Variants in C6orf132 observed in about 807,000 individuals in gnomAD.
C6orf132 encodes uncharacterized protein C6orf132.
In C6orf132, 43 loss-of-function variants were observed where a neutral mutation model predicts 65.3. The ratio of observed to expected loss-of-function variants is 0.66; its 90% confidence interval spans 0.52 to 0.85. C6orf132 has a LOEUF of 0.85. Among genes scored for constraint, C6orf132 ranks in the 40% least tolerant of loss-of-function variants. The pLI is 0.00. For missense variants in C6orf132, 1,488 were observed against 1,548.8 expected (o/e 0.96, Z 0.66); for synonymous variants, 631 against 654.1 (o/e 0.96, Z 0.54).
intron 1 of C6orf132, among the ~76,000 whole-genome samples, chr6:42,135,205 G>A (rs60861123): frequency 6.6e-6 from 1 of 152,158 alleles, no homozygotes; most frequent in Non-Finnish European, 1.5e-5. Flanking sequence ...TTTCTTGTTC[G>A]GGTTCACTCT....
intron 1 of C6orf132, 47 bp downstream of exon 1, chr6:42,142,253 G>T (rs1456213724): frequency 3.3e-6 from 5 of 1,530,728 alleles, no homozygotes; most frequent in Non-Finnish European, 4.4e-6. Flanking sequence ...CCCTGCCCCA[G>T]CGCCCTCCGT....
Position 42,106,363 on chromosome 6 carries a change from T to C in C6orf132, c.1549A>G (p.Ser517Gly). Reference protein sequence around the residue: ...PRLPEKETLLSLPAKDTPPGV... With the variant: ...PRLPEKETLLGLPAKDTPPGV... The stretch of plus-strand genomic sequence containing the variant: ...GGGGGAGTGTCCTTTGCTGGCAGGC[T>C]CAGGAGAGTCTCCTTCTCAGGCAGG... The change falls in exon 4 of 5, where the codon AGC becomes GGC. Residue 517 changes from serine (S) to glycine (G), a missense_variant. Coordinates refer to ENST00000341865, the MANE Select transcript of C6orf132 (RefSeq NM_001164446.3). 6.5e-7 allele frequency: 1 copy of C among 1,536,486 alleles called. No individual in the cohort carries two copies. Among genetic ancestry groups the C allele is most frequent in the Non-Finnish European group, 8.7e-7 (1 of 1,146,848 alleles).
intron 1 of C6orf132, among the ~76,000 whole-genome samples, chr6:42,128,990 G>C (rs1435184249): frequency 1.3e-5 from 2 of 152,222 alleles, no homozygotes; most frequent in Non-Finnish European, 2.9e-5. Flanking sequence ...TGAGGGACTC[G>C]GTGTTCGTGG....
chr6:42,101,158 G>A lies in C6orf132; in HGVS notation c.*2603C>T, dbSNP rs763002783. ...AAAGCTTTATGGAAAACTGTGACAG[G>A]CCATATACAAATGTGAGGTATTCAT... On this transcript the variant is annotated 3_prime_UTR_variant, in exon 5 of 5. Coordinates refer to ENST00000341865, the MANE Select transcript of C6orf132 (RefSeq NM_001164446.3). The A allele has an allele frequency of 6.6e-6, 1 of 151,992 alleles. No individual in the cohort carries two copies. Among genetic ancestry groups the A allele is most frequent in the Non-Finnish European group, 1.5e-5 (1 of 68,000 alleles). 9.4% of individuals were successfully genotyped at this position (151,992 alleles called of 1,614,324 possible).
intron 1 of C6orf132, among the ~76,000 whole-genome samples, chr6:42,134,967 C>T (rs1417555835): frequency 6.6e-6 from 1 of 152,116 alleles, no homozygotes; most frequent in Non-Finnish European, 1.5e-5. Context: ...CGCCACTGCA[C>T]TCCAGCCTGG....
intron 2 of C6orf132, among the ~76,000 whole-genome samples, chr6:42,114,180 G>A (rs1766532488): frequency 6.6e-6 from 1 of 152,154 alleles, no homozygotes; most frequent in South Asian, 2.1e-4. Context: ...TCCATCTCTG[G>A]AGCGGCTTGT....
rs1010355767 is a variant in C6orf132 at position 42,104,412 on chromosome 6, C to T, written c.3449+51G>A. On this transcript the variant is annotated intron_variant, in intron 4 of 4. Coordinates refer to ENST00000341865, the MANE Select transcript of C6orf132 (RefSeq NM_001164446.3). The surrounding 1 kb of genome is among the most constrained non-coding windows in gnomAD (Gnocchi z 4.1). ...ATGGCCGGGACTCCTTGGCCCTCGC[C>T]TGGCTTTCCACCCCTCCTGGCTTCC... 3.5e-5 allele frequency: 43 copies of T among 1,228,514 alleles called. No homozygotes were observed. Among genetic ancestry groups the T allele is most frequent in the African/African-American group, 4.7e-5 (3 of 64,244 alleles). 76.1% of individuals were successfully genotyped at this position (1,228,514 alleles called of 1,614,324 possible). A position where few individuals can be genotyped will look rare whatever the true frequency, so the allele number is the denominator to read the frequency against.
chr6:42,133,807 TAGA>T (rs1339139240), intron 1 of C6orf132, among the ~76,000 whole-genome samples: 1 of 67,060 alleles, frequency 1.5e-5, no homozygotes, highest in Non-Finnish European at 2.4e-5. Context: ...TTCTCCCTCA[TAGA>T]AGGAGACAGG....
chr6:42,121,322 C>A (rs1314211045), intron 2 of C6orf132, among the ~76,000 whole-genome samples: 1 of 152,206 alleles, frequency 6.6e-6, no homozygotes, highest in East Asian at 1.9e-4. Flanking sequence ...CACCAGGAAT[C>A]CCCTATTGCC....
chr6:42,132,096 G>A (rs1204533874), intron 1 of C6orf132, among the ~76,000 whole-genome samples: 1 of 152,186 alleles, frequency 6.6e-6, no homozygotes, highest in Non-Finnish European at 1.5e-5. Context: ...GCCAGAACAG[G>A]CAAGGAAACA....
rs72868761 is a variant in C6orf132 at position 42,133,514 on chromosome 6, G to T, written c.146-4736C>A. ...ATGCCCCTGGACCCAGGAGCTTCCA[G>T]AGAAAGAGAGTCCTGGGGCAATTCC... is the stretch of plus-strand genomic sequence containing the variant. On this transcript the variant is annotated intron_variant, in intron 1 of 4. Coordinates refer to ENST00000341865, the MANE Select transcript of C6orf132 (RefSeq NM_001164446.3). Among the ~76,000 whole-genome samples, 964 of 152,274 alleles carry T rather than the reference G, an allele frequency of 6.3e-3. 3 individuals carry two copies. Among genetic ancestry groups the T allele is most frequent in the Non-Finnish European group, 0.01 (706 of 68,020 alleles).
rs1766298593 is a variant in C6orf132 at position 42,102,220 on chromosome 6, CCTTTT to C, written c.*1536_*1540del. On this transcript the variant is annotated 3_prime_UTR_variant, in exon 5 of 5. Transcript: ENST00000341865. ...ACCCTACTGATAGGTCTCCCCTGCT[CCTTTT>C]TTTTTTTTTTTTTTTTTTTTTGAGA... 3 of 140,124 alleles carry C rather than the reference CCTTTT, an allele frequency of 2.1e-5. No individual in the cohort carries two copies. Among genetic ancestry groups the C allele is most frequent in the African/African-American group, 2.8e-5 (1 of 35,918 alleles). The allele number at this position is 140,124 out of a possible 1,614,324, so 8.7% of individuals were successfully genotyped here.
At chr6:42,110,113 G>T in intron 3 of C6orf132, 103 bp downstream of exon 3, 1 of 934,008 alleles carries the variant, frequency 1.1e-6, no homozygotes, top group Non-Finnish European at 1.6e-6. Flanking sequence ...TGAGGACTCT[G>T]GCTTTGTCAC....
rs527387206 is a variant in C6orf132, at chr6:42,116,197, G to A, written c.253-5906C>T. Among the ~76,000 whole-genome samples the A allele has an allele frequency of 4.0e-5, 6 of 151,704 alleles. 1 individual carries two copies. In the South Asian group the frequency reaches 1.0e-3, roughly 26 times the overall value. ...CCCGCCGTGGCCTCCCAAAGTGCTG[G>A]GATTACAGGCATGAGCCACTGTGCC... On this transcript the variant is annotated intron_variant, in intron 2 of 4. Coordinates refer to ENST00000341865, the MANE Select transcript of C6orf132 (RefSeq NM_001164446.3).
chr6:42,136,010 A>G (rs1766935243), intron 1 of C6orf132, among the ~76,000 whole-genome samples: 1 of 152,198 alleles, frequency 6.6e-6, no homozygotes, highest in Non-Finnish European at 1.5e-5. Flanking sequence ...GAGACTTGAA[A>G]GTTGGTAAGG....
intron 2 of C6orf132, among the ~76,000 whole-genome samples, chr6:42,116,413 G>A (rs1033851274): frequency 2.0e-5 from 3 of 151,944 alleles, no homozygotes; most frequent in African/African-American, 7.3e-5. Context: ...AAACCCAGCT[G>A]GTCATCCAGT....
chr6:42,104,764 C>G lies in C6orf132; in HGVS notation c.3148G>C (p.Gly1050Arg). Residue 1050 changes from glycine (G) to arginine (R), a missense_variant, in exon 4 of 5, where the codon GGC (glycine) becomes CGC (arginine). Transcript: ENST00000341865. The surrounding 1 kb of genome is among the most constrained non-coding windows in gnomAD (Gnocchi z 4.1). ...PAGARYAGAG[G>R]LERFSGGGRS... ...CCCCCTCCCGAGAAGCGCTCCAGGC[C>G]CCCAGCCCCGGCGTAGCGCGCGCCC... 6.6e-7 allele frequency: 1 copy of G among 1,514,596 alleles called. No homozygotes were observed. Among genetic ancestry groups the G allele is most frequent in the Non-Finnish European group, 8.8e-7 (1 of 1,137,810 alleles). 93.8% of individuals were successfully genotyped at this position (1,514,596 alleles called of 1,614,324 possible).
At chr6:42,129,291 C>A (rs1282332347) in intron 1 of C6orf132, among the ~76,000 whole-genome samples, 2 of 152,308 alleles carry the variant, frequency 1.3e-5, no homozygotes, top group South Asian at 2.1e-4. Context: ...ACCACCAAAC[C>A]ACAGATGGTT....
At chr6:42,137,904 G>A (rs928136776) in intron 1 of C6orf132, among the ~76,000 whole-genome samples, 4 of 152,194 alleles carry the variant, frequency 2.6e-5, no homozygotes, top group South Asian at 2.1e-4. Flanking sequence ...GTGAAACCCC[G>A]TCTCTACTAA....
Sources: gnomAD v4.1 joint callset for allele counts (sites outside exome capture counted in the v4.1 genomes callset) on GRCh38, gnomAD v4.1.1 for gene constraint, Gnocchi (gnomAD v3.1) non-coding constraint, MANE v1.5 for transcripts, NCBI Gene and HGNC (gene_info 2026-07-23, HGNC 2026-07-21) for gene names.